The following XPO7 variants were observed in gnomAD, a reference collection of about 807,000 sequenced individuals.
The protein encoded by XPO7 is exportin 7.
In XPO7, 21 loss-of-function variants were observed where a neutral mutation model predicts 144.3. The ratio of observed to expected loss-of-function variants is 0.15; its 90% confidence interval spans 0.10 to 0.21. The LOEUF (loss-of-function observed/expected upper bound fraction) is 0.21. Ranked by LOEUF, XPO7 falls within the 10% of genes least tolerant of loss-of-function variation. The probability of loss-of-function intolerance (pLI) is 1.00; values close to 1 mark genes in which losing one functional copy is unlikely to be tolerated. For missense variants in XPO7, 808 were observed against 1,325.8 expected (o/e 0.61, Z 6.06); for synonymous variants, 580 against 499.6 (o/e 1.16, Z -2.15).
At chr8:21,987,320 T>C (rs1205816704) in intron 14 of XPO7, 44 bp downstream of exon 14, 3 of 1,610,862 alleles carry the variant, frequency 1.9e-6, no homozygotes, top group Admixed American at 3.3e-5. Context: ...CACTTCTCAC[T>C]TGTGGGATTG....
At chr8:21,972,163 T>G (rs1812083880) in intron 5 of XPO7, among the ~76,000 whole-genome samples, 1 of 151,672 alleles carries the variant, frequency 6.6e-6, no homozygotes, top group Admixed American at 6.5e-5. Context: ...TGTTTTCCCC[T>G]TTTCCATCTT....
chr8:21,958,647 T>C (rs917850459), intron 1 of XPO7, among the ~76,000 whole-genome samples: 1 of 151,136 alleles, frequency 6.6e-6, no homozygotes, highest in Admixed American at 6.6e-5. Context: ...TACAGTTGTT[T>C]AGTGTGAAAG....
At chr8:21,944,383 C>T (rs1487856623) in intron 1 of XPO7, among the ~76,000 whole-genome samples, 2 of 152,086 alleles carry the variant, frequency 1.3e-5, no homozygotes, top group Admixed American at 1.3e-4. Context: ...GCCTGGCCAA[C>T]GTGGTGAAAC....
intron 1 of XPO7, chr8:21,966,409 C>G: frequency 1.4e-6 from 1 of 709,852 alleles, no homozygotes. Context: ...AACTACTACT[C>G]AAAGGAATAT....
chr8:21,938,778 T>TA lies in XPO7; in HGVS notation c.18+19000dup, dbSNP rs930417198. 5.1e-3 allele frequency among the ~76,000 whole-genome samples: 756 copies of TA among 148,620 alleles called. 8 individuals carry two copies. Among genetic ancestry groups the TA allele is most frequent in the African/African-American group, 0.018 (719 of 40,784 alleles). ...AGTCATAAGAATGAAAATACATCAT[T>TA]AAAAAAAAAATGTCATAGAGAACTC... On this transcript the variant is annotated intron_variant, in intron 1 of 27. Coordinates refer to ENST00000252512, the MANE Select transcript of XPO7 (RefSeq NM_015024.5).
chr8:21,933,422 G>A (rs1365582505), intron 1 of XPO7, among the ~76,000 whole-genome samples: 2 of 152,120 alleles, frequency 1.3e-5, no homozygotes, highest in African/African-American at 4.8e-5. Context: ...GGATTTTACA[G>A]TGTTATTGTT....
rs532595107 is a variant in XPO7 at position 21,976,237 on chromosome 8, A to C, written c.598-119A>C. 7.6e-6 allele frequency: 8 copies of C among 1,057,852 alleles called. No homozygotes were observed. In the Admixed American group the frequency reaches 1.8e-4, roughly 24 times the overall value. The allele number at this position is 1,057,852 out of a possible 1,614,324, so 65.5% of individuals were successfully genotyped here. A position where few individuals can be genotyped will look rare whatever the true frequency, so the allele number is the denominator to read the frequency against. ...GTACCACATCTTTGGAGAGAAGGGG[A>C]CATTTTACTGTGCTAACATATAGCC... is the stretch of plus-strand genomic sequence containing the variant. On this transcript the variant is annotated intron_variant, in intron 6 of 27. Coordinates refer to ENST00000252512, the MANE Select transcript of XPO7 (RefSeq NM_015024.5).
chr8:21,989,607 CT>C (rs1452471213), intron 16 of XPO7, among the ~76,000 whole-genome samples: 1 of 152,078 alleles, frequency 6.6e-6, no homozygotes, highest in Admixed American at 6.6e-5. Context: ...TTTCTTCTCG[CT>C]TTTCCAAATA....
chr8:21,980,264 C>A, intron 9 of XPO7, 61 bp downstream of exon 9: 2 of 1,508,122 alleles, frequency 1.3e-6, no homozygotes, highest in South Asian at 1.3e-5. Context: ...TGTTATGAGT[C>A]AGAAGGAAAT....
At chr8:21,953,664 C>T (rs2117295559) in intron 1 of XPO7, among the ~76,000 whole-genome samples, 1 of 152,318 alleles carries the variant, frequency 6.6e-6, no homozygotes, top group Non-Finnish European at 1.5e-5. Flanking sequence ...ACATCTTTGC[C>T]ATCATCTGGT....
At chr8:21,955,987 A>T (rs988670472) in intron 1 of XPO7, among the ~76,000 whole-genome samples, 1 of 152,036 alleles carries the variant, frequency 6.6e-6, no homozygotes, top group African/African-American at 2.4e-5. Context: ...TCAGCCTCCC[A>T]AAGTGCTGGG....
intron 1 of XPO7, among the ~76,000 whole-genome samples, chr8:21,962,962 T>C (rs1299184305): frequency 6.6e-6 from 1 of 152,160 alleles, no homozygotes; most frequent in Non-Finnish European, 1.5e-5. Context: ...TCAGTATAAA[T>C]ATTTTAATTT....
At chr8:21,997,056 C>G (rs1812976581) in intron 21 of XPO7, among the ~76,000 whole-genome samples, 1 of 152,332 alleles carries the variant, frequency 6.6e-6, no homozygotes, top group Non-Finnish European at 1.5e-5. Flanking sequence ...GATCCGCCCA[C>G]TTCAGCCTCC....
intron 1 of XPO7, among the ~76,000 whole-genome samples, chr8:21,934,257 G>C (rs1215020799): frequency 6.6e-6 from 1 of 152,122 alleles, no homozygotes; most frequent in Non-Finnish European, 1.5e-5. Flanking sequence ...CAGTACTTTG[G>C]GTGCGGTGGC....
chr8:21,974,076 G>T (rs1179213868), intron 5 of XPO7, among the ~76,000 whole-genome samples: 1 of 97,630 alleles, frequency 1.0e-5, no homozygotes, highest in African/African-American at 5.1e-5. Flanking sequence ...TCTGTCTGTG[G>T]GTGTTTAAGA....
chr8:21,990,458 C>T, intron 17 of XPO7, 51 bp downstream of exon 17: 1 of 1,593,062 alleles, frequency 6.3e-7, no homozygotes. Flanking sequence ...CACACATACA[C>T]TTTCTCGACA....
At chr8:21,969,879 C>T (rs1811996436) in intron 3 of XPO7, 4 of 541,262 alleles carry the variant, frequency 7.4e-6, no homozygotes, top group Non-Finnish European at 1.3e-5. Context: ...GTGTAGACCA[C>T]GTTCTTTAGC....
In XPO7 at chr8:21,985,816, A is replaced by G. The variant is rs1020603346; in HGVS notation, c.1577+125A>G. On this transcript the variant is annotated intron_variant, in intron 13 of 27. Coordinates refer to ENST00000252512, the MANE Select transcript of XPO7 (RefSeq NM_015024.5). ...AACTGCCCATGAGACACAGCTTTCA[A>G]GGCTTTTGTAAGTGCCATGATAACT... 6.6e-6 allele frequency: 5 copies of G among 756,828 alleles called. No individual in the cohort carries two copies. In the African/African-American group the frequency reaches 8.7e-5, roughly 13 times the overall value. 46.9% of individuals were successfully genotyped at this position (756,828 alleles called of 1,614,324 possible). A position where few individuals can be genotyped will look rare whatever the true frequency, so the allele number is the denominator to read the frequency against.
At chr8:21,949,655 A>G (rs1461457739) in intron 1 of XPO7, among the ~76,000 whole-genome samples, 1 of 152,230 alleles carries the variant, frequency 6.6e-6, no homozygotes, top group East Asian at 1.9e-4. Flanking sequence ...ATATAACAAC[A>G]AAGGCATGGC....
Sources: allele counts gnomAD v4.1 joint callset (sites outside exome capture counted in the v4.1 genomes callset), GRCh38; gene constraint gnomAD v4.1.1; transcripts MANE v1.5; gene names NCBI Gene and HGNC (gene_info 2026-07-23, HGNC 2026-07-21).